NHERF1: variants seen among roughly 807,000 people sequenced by gnomAD.
NHERF1 encodes the protein Na(+)/H(+) exchange regulatory cofactor NHE-RF1.
the NHERF1 span, chr17:74,748,669 G>C: frequency 1.2e-5 from 7 of 591,890 alleles, no homozygotes; most frequent in East Asian, 6.0e-5. The surrounding 1 kb of genome is among the most constrained non-coding windows in gnomAD (Gnocchi z 4.3). Context: ...GTCCTCTCTC[G>C]GCTCCTCGCG....
the NHERF1 span, chr17:74,768,293 C>G: frequency 2.8e-6 from 4 of 1,429,326 alleles, no homozygotes; most frequent in Non-Finnish European, 4.0e-6. Context: ...TTCCCAGGCC[C>G]CACTTGTTCC....
the NHERF1 span, chr17:74,763,089 C>A: frequency 2.8e-6 from 1 of 360,950 alleles, no homozygotes; most frequent in African/African-American, 2.1e-5. Context: ...CCTCCCAGCT[C>A]GCTCCCATCC....
the NHERF1 span, chr17:74,761,940 ACAGG>A: frequency 1.3e-6 from 2 of 1,497,172 alleles, no homozygotes; most frequent in East Asian, 4.5e-5. The surrounding 1 kb of genome is among the most constrained non-coding windows in gnomAD (Gnocchi z 4.3). Context: ...GGAGATGGGG[ACAGG>A]CAGAGGACAG....
the NHERF1 span, among the ~76,000 whole-genome samples, chr17:74,756,860 TAGC>T: frequency 6.6e-6 from 1 of 152,194 alleles, no homozygotes; most frequent in Non-Finnish European, 1.5e-5. Flanking sequence ...GTTCAGTAAA[TAGC>T]AGCTGCTATT....
chr17:74,765,471 G>T, the NHERF1 span, among the ~76,000 whole-genome samples: 1 of 151,654 alleles, frequency 6.6e-6, no homozygotes, highest in Non-Finnish European at 1.5e-5. Context: ...TGTTGGCCAG[G>T]ATGGTCTCGA....
chr17:74,759,394 C>T, the NHERF1 span, among the ~76,000 whole-genome samples: 9 of 152,310 alleles, frequency 5.9e-5, no homozygotes, highest in South Asian at 1.4e-3. Flanking sequence ...TGTCACTAGG[C>T]GAGGGGCACT....
At chr17:74,749,118 T>C in the NHERF1 span, 4 of 1,575,812 alleles carry the variant, frequency 2.5e-6, no homozygotes, top group Non-Finnish European at 3.4e-6. The surrounding 1 kb of genome is among the most constrained non-coding windows in gnomAD (Gnocchi z 5.6). Context: ...CTGCTGGTGG[T>C]CGACCCCGAG....
chr17:74,768,601 A>G, the NHERF1 span: 1 of 1,614,136 alleles, frequency 6.2e-7, no homozygotes, highest in Admixed American at 1.7e-5. Flanking sequence ...CGCAGCAGCA[A>G]ACGGGCCCCG....
chr17:74,764,448 C>T, the NHERF1 span, among the ~76,000 whole-genome samples: 2 of 152,170 alleles, frequency 1.3e-5, no homozygotes, highest in African/African-American at 2.4e-5. This position sits in a 1 kb window ranked among gnomAD's most constrained non-coding sequence, Gnocchi z 4.9. Flanking sequence ...GGTGGGGTAC[C>T]GCCTTACCCT....
the NHERF1 span, among the ~76,000 whole-genome samples, chr17:74,757,452 A>G: frequency 2.6e-5 from 4 of 152,114 alleles, no homozygotes; most frequent in East Asian, 7.7e-4. Context: ...CATCAGGGCC[A>G]CTACGCAGGG....
the NHERF1 span, chr17:74,761,946 A>G: frequency 6.5e-7 from 1 of 1,527,380 alleles, no homozygotes; most frequent in Non-Finnish European, 9.0e-7. This position sits in a 1 kb window ranked among gnomAD's most constrained non-coding sequence, Gnocchi z 4.3. Flanking sequence ...GGGGACAGGC[A>G]GAGGACAGGG....
the NHERF1 span, among the ~76,000 whole-genome samples, chr17:74,752,317 G>A: frequency 1.3e-5 from 2 of 151,140 alleles, no homozygotes; most frequent in Non-Finnish European, 2.9e-5. Context: ...CTGTTCCATG[G>A]CCCTTCTCCA....
At chr17:74,760,310 A>G in the NHERF1 span, among the ~76,000 whole-genome samples, 1 of 152,172 alleles carries the variant, frequency 6.6e-6, no homozygotes, top group African/African-American at 2.4e-5. The surrounding 1 kb of genome is among the most constrained non-coding windows in gnomAD (Gnocchi z 4.5). Flanking sequence ...GAACAAGGCA[A>G]GAGGAGCTTC....
the NHERF1 span, chr17:74,766,970 A>G: frequency 6.2e-7 from 1 of 1,613,966 alleles, no homozygotes; most frequent in South Asian, 1.1e-5. Flanking sequence ...ATGGGGAGAT[A>G]CAGAAGGTAA....
the NHERF1 span, among the ~76,000 whole-genome samples, chr17:74,756,833 C>T: frequency 2.7e-5 from 4 of 149,510 alleles, no homozygotes; most frequent in East Asian, 7.9e-4. Flanking sequence ...GAGCTCGGTG[C>T]CTAACACATA....
chr17:74,767,215 G>C, the NHERF1 span, among the ~76,000 whole-genome samples: 1 of 152,162 alleles, frequency 6.6e-6, no homozygotes, highest in African/African-American at 2.4e-5. Context: ...CCGCCATCCT[G>C]GGTGACAAGC....
chr17:74,768,925 T>A, the NHERF1 span: 1 of 492,326 alleles, frequency 2.0e-6, no homozygotes, highest in Non-Finnish European at 3.7e-6. Context: ...CCACCCTGCC[T>A]GGGACATCGC....
At chr17:74,769,125 G>C in the NHERF1 span, 3 of 179,794 alleles carry the variant, frequency 1.7e-5, no homozygotes, top group Admixed American at 1.1e-4. Context: ...TTTTTGTTAA[G>C]AGTGCAGTAT....
At chr17:74,764,274 G>A in the NHERF1 span, among the ~76,000 whole-genome samples, 82 of 152,304 alleles carry the variant, frequency 5.4e-4, no homozygotes, top group African/African-American at 1.9e-3. This position sits in a 1 kb window ranked among gnomAD's most constrained non-coding sequence, Gnocchi z 4.9. Flanking sequence ...GAGACTCAAG[G>A]TTGTATGTGT....
Sources: gnomAD v4.1 joint callset for allele counts (sites outside exome capture counted in the v4.1 genomes callset) on GRCh38, gnomAD v4.1.1 for gene constraint, Gnocchi (gnomAD v3.1) non-coding constraint, MANE v1.5 for transcripts, NCBI Gene and HGNC (gene_info 2026-07-23, HGNC 2026-07-21) for gene names.